Variants in MTCL2 observed in about 807,000 individuals in gnomAD.
The protein encoded by MTCL2 is microtubule cross-linking factor 2.
At chr20:36,858,994 T>C in the MTCL2 span, among the ~76,000 whole-genome samples, 1 of 152,174 alleles carries the variant, frequency 6.6e-6, no homozygotes. Context: ...TTTCGCCACG[T>C]TGGCCAGACT....
the MTCL2 span, among the ~76,000 whole-genome samples, chr20:36,852,492 G>A: frequency 1.3e-5 from 2 of 152,242 alleles, no homozygotes; most frequent in African/African-American, 4.8e-5. Flanking sequence ...CCCAAAAAAG[G>A]ATATGCAAAA....
chr20:36,792,493 G>A, the MTCL2 span, among the ~76,000 whole-genome samples: 4 of 151,566 alleles, frequency 2.6e-5, no homozygotes, highest in Admixed American at 6.6e-5. Flanking sequence ...GGACAAGAAC[G>A]AGACTTCTCT....
At chr20:36,831,731 C>T in the MTCL2 span, among the ~76,000 whole-genome samples, 2 of 152,224 alleles carry the variant, frequency 1.3e-5, no homozygotes, top group Non-Finnish European at 2.9e-5. Context: ...AGACCTTCCT[C>T]ATCCACGAAG....
chr20:36,796,770 C>G, the MTCL2 span: 3 of 1,014,648 alleles, frequency 3.0e-6, no homozygotes, highest in African/African-American at 4.7e-5. Context: ...AGGGGCGGGG[C>G]AGGGCTGCGG....
chr20:36,841,060 G>A, the MTCL2 span, among the ~76,000 whole-genome samples: 309 of 148,792 alleles, frequency 2.1e-3, 1 homozygote, highest in African/African-American at 7.3e-3. Flanking sequence ...CTCTAATCCC[G>A]GCACTTTGGG....
the MTCL2 span, among the ~76,000 whole-genome samples, chr20:36,848,160 T>A: frequency 6.6e-6 from 1 of 152,078 alleles, no homozygotes. Context: ...TAAATAAAAA[T>A]GAGAGAGGGA....
chr20:36,797,441 G>A, the MTCL2 span: 15 of 1,519,536 alleles, frequency 9.9e-6, no homozygotes, highest in East Asian at 3.4e-4. Context: ...TCCCCCACAA[G>A]CAGGGACCTT....
At chr20:36,794,089 G>T in the MTCL2 span, 3 of 1,551,460 alleles carry the variant, frequency 1.9e-6, no homozygotes, top group South Asian at 2.4e-5. The surrounding 1 kb of genome is among the most constrained non-coding windows in gnomAD (Gnocchi z 5.4). Context: ...AGTCATGCAG[G>T]GCCGCTGGGA....
chr20:36,810,376 T>A, the MTCL2 span, among the ~76,000 whole-genome samples: 1 of 152,204 alleles, frequency 6.6e-6, no homozygotes, highest in Non-Finnish European at 1.5e-5. Context: ...CTGGGAAAAC[T>A]AAGTTTGATT....
the MTCL2 span, among the ~76,000 whole-genome samples, chr20:36,795,440 T>G: frequency 6.6e-6 from 1 of 152,102 alleles, no homozygotes; most frequent in Non-Finnish European, 1.5e-5. Context: ...CTGAACTGCA[T>G]ACTCCACCAT....
At chr20:36,819,307 A>G in the MTCL2 span, among the ~76,000 whole-genome samples, 2 of 152,186 alleles carry the variant, frequency 1.3e-5, no homozygotes, top group African/African-American at 4.8e-5. Flanking sequence ...GTGGGCTGGT[A>G]TATTTTTGAA....
At chr20:36,820,671 G>T in the MTCL2 span, among the ~76,000 whole-genome samples, 1 of 151,960 alleles carries the variant, frequency 6.6e-6, no homozygotes, top group South Asian at 2.1e-4. Context: ...GTGAAACCCT[G>T]TCTCTACTAA....
chr20:36,863,031 G>A, the MTCL2 span: 11 of 1,399,198 alleles, frequency 7.9e-6, no homozygotes, highest in South Asian at 1.4e-5. The surrounding 1 kb of genome is among the most constrained non-coding windows in gnomAD (Gnocchi z 6.2). Flanking sequence ...TCGCGGCCCC[G>A]CACCCGAGCG....
At chr20:36,794,416 G>A in the MTCL2 span, 6 of 1,613,960 alleles carry the variant, frequency 3.7e-6, no homozygotes, top group African/African-American at 4.0e-5. This position sits in a 1 kb window ranked among gnomAD's most constrained non-coding sequence, Gnocchi z 5.4. Context: ...CCAGGTGGTT[G>A]CAGTCCCTCG....
At chr20:36,789,650 G>C in the MTCL2 span, among the ~76,000 whole-genome samples, 1 of 151,168 alleles carries the variant, frequency 6.6e-6, no homozygotes, top group Non-Finnish European at 1.5e-5. Flanking sequence ...GGGTGACAGA[G>C]TGAGGCTCCG....
the MTCL2 span, chr20:36,808,474 A>G: frequency 6.5e-7 from 1 of 1,536,890 alleles, no homozygotes; most frequent in Admixed American, 1.9e-5. Flanking sequence ...CTCTCTCCCC[A>G]GCCCACACTC....
the MTCL2 span, chr20:36,839,192 CAAGGGCACCCG>C: frequency 4.4e-6 from 7 of 1,573,408 alleles, no homozygotes; most frequent in Admixed American, 1.0e-4. The surrounding 1 kb of genome is among the most constrained non-coding windows in gnomAD (Gnocchi z 5.1). Flanking sequence ...ATCCCAGCAA[CAAGGGCACCCG>C]AGCCCAGGCT....
At chr20:36,791,039 T>C in the MTCL2 span, among the ~76,000 whole-genome samples, 1 of 152,022 alleles carries the variant, frequency 6.6e-6, no homozygotes, top group Non-Finnish European at 1.5e-5. Context: ...CATTTATATT[T>C]TTTTTTTTGT....
the MTCL2 span, chr20:36,862,638 T>C: frequency 2.0e-6 from 3 of 1,487,104 alleles, no homozygotes; most frequent in East Asian, 2.8e-5. Context: ...CGACCTCCCT[T>C]TCTACCCGGG....
Sources: gnomAD v4.1 joint callset for allele counts (sites outside exome capture counted in the v4.1 genomes callset) on GRCh38, gnomAD v4.1.1 for gene constraint, Gnocchi (gnomAD v3.1) non-coding constraint, MANE v1.5 for transcripts, NCBI Gene and HGNC (gene_info 2026-07-23, HGNC 2026-07-21) for gene names.